The following AHCTF1 variants were observed in gnomAD, a reference collection of about 807,000 sequenced individuals.
AHCTF1 encodes AT-hook containing transcription factor 1, also known as protein ELYS.
Under a neutral mutation model 248.4 loss-of-function variants are expected in AHCTF1, and 24 were observed. That is an observed-to-expected ratio of 0.10 (90% confidence interval 0.07 to 0.14). AHCTF1 has a LOEUF of 0.14. Among genes scored for constraint, AHCTF1 ranks in the 10% least tolerant of loss-of-function variants. The pLI is 1.00. For synonymous variants in AHCTF1, 786 were observed against 929.8 expected (o/e 0.85, Z 2.81); for missense variants, 2,206 against 2,636.2 (o/e 0.84, Z 3.57).
chr1:246,888,718 T>C (rs1447553491), intron 17 of AHCTF1, among the ~76,000 whole-genome samples: 1 of 151,960 alleles, frequency 6.6e-6, no homozygotes, highest in Non-Finnish European at 1.5e-5. Flanking sequence ...GAGACCAGCC[T>C]GGGCAATACA....
chr1:246,888,453 C>G lies in AHCTF1; in HGVS notation c.2209G>C (p.Glu737Gln). 1 of 1,613,458 alleles carries G rather than the reference C, an allele frequency of 6.2e-7. No individual in the cohort carries two copies. The change falls in exon 18 of 36, where the codon GAG (glutamate) becomes CAG (glutamine). Residue 737 changes from glutamate to glutamine, a missense_variant. By Grantham distance (29) the Glu-to-Gln change is conservative. Coordinates refer to ENST00000648844, the MANE Select transcript of AHCTF1 (RefSeq NM_001323342.2). ...GLVSQLGERI[E>Q]KLWKRDEGGT... ...CCTTCATCTCGTTTCCACAACTTCT[C>G]AATTCGCTCTCCTAACTGAGAAACC...
chr1:246,854,553 A>C (rs949116780), intron 31 of AHCTF1, among the ~76,000 whole-genome samples: 1 of 152,184 alleles, frequency 6.6e-6, no homozygotes, highest in Non-Finnish European at 1.5e-5. Context: ...TTCCTGACAG[A>C]AAAAATGTCT....
intron 24 of AHCTF1, among the ~76,000 whole-genome samples, chr1:246,872,274 CA>C (rs1488046637): frequency 2.6e-5 from 4 of 152,108 alleles, no homozygotes; most frequent in African/African-American, 4.8e-5. Flanking sequence ...CTTGTGACTC[CA>C]CTAACCCAAG....
chr1:246,928,718 A>G (rs932327529), intron 1 of AHCTF1, among the ~76,000 whole-genome samples: 4 of 152,342 alleles, frequency 2.6e-5, no homozygotes, highest in South Asian at 2.1e-4. Context: ...ATGGAACTCT[A>G]ATCTAGTTCA....
At chr1:246,923,185 T>C (rs1346538008) in intron 1 of AHCTF1, among the ~76,000 whole-genome samples, 1 of 144,498 alleles carries the variant, frequency 6.9e-6, no homozygotes, top group Admixed American at 6.9e-5. Context: ...GAGGCCGAGG[T>C]GGGCAGATCA....
chr1:246,888,365 T>C (rs2103131811), intron 18 of AHCTF1, 29 bp downstream of exon 18: 2 of 1,612,914 alleles, frequency 1.2e-6, no homozygotes, highest in East Asian at 4.5e-5. Flanking sequence ...TTGTAGACTC[T>C]AAATGATAGC....
chr1:246,879,233 A>G (rs55701948), intron 21 of AHCTF1, among the ~76,000 whole-genome samples: 8,467 of 152,252 alleles, frequency 0.056, 820 homozygotes, highest in African/African-American at 0.19. Context: ...GAGACCAAAC[A>G]TATTAAAACT....
chr1:246,848,897 A>G (rs1037394069), intron 33 of AHCTF1, among the ~76,000 whole-genome samples: 2 of 152,036 alleles, frequency 1.3e-5, no homozygotes, highest in Non-Finnish European at 2.9e-5. Context: ...AACCATTAAC[A>G]CTTTTACAGA....
intron 2 of AHCTF1, among the ~76,000 whole-genome samples, chr1:246,916,996 C>T (rs758172343): frequency 2.6e-5 from 4 of 152,110 alleles, no homozygotes; most frequent in South Asian, 2.1e-4. Context: ...ACCTCTTCTC[C>T]GCCTATTAGT....
rs371100178 is a variant in AHCTF1, at chr1:246,840,897, T to C, written c.6710A>G (p.Lys2237Arg). The C allele has an allele frequency of 2.5e-6, 4 of 1,613,666 alleles. No homozygotes were observed. The African/African-American group carries it at 5.3e-5, about 22-fold the overall frequency. The stretch of plus-strand genomic sequence containing the variant: ...ACCTGTTCCTGTCACTTCTGTAGTT[T>C]TTCTTGGTTTGCTCTTGACTCCGTC... Reference protein sequence around the residue: ...PADGVKSKPRKTTEVTGTGLG... With the variant: ...PADGVKSKPRRTTEVTGTGLG... The change falls in exon 36 of 36, where the codon AAA (lysine) becomes AGA (arginine). Residue 2237 changes from lysine to arginine, a missense_variant. Transcript: ENST00000648844.
chr1:246,925,557 T>C (rs562086653), intron 1 of AHCTF1, among the ~76,000 whole-genome samples: 1 of 152,274 alleles, frequency 6.6e-6, no homozygotes, highest in African/African-American at 2.4e-5. Context: ...GAGTTGTAGG[T>C]TGCAGTAAGC....
rs1174350049 is a variant in AHCTF1, at chr1:246,864,802, TGCAGTCC to T, written c.3348-693_3348-687del. On this transcript the variant is annotated intron_variant, in intron 26 of 35. Coordinates refer to ENST00000648844, the MANE Select transcript of AHCTF1 (RefSeq NM_001323342.2). ...TTGCAGTGAGCCGAGATTGCGCCAC[TGCAGTCC>T]GCAGTCCGACCTGGGCGACAGAGCG... Among the ~76,000 whole-genome samples, 2 of 19,492 alleles carry T rather than the reference TGCAGTCC, an allele frequency of 1.0e-4. 1 individual carries two copies. Among genetic ancestry groups the T allele is most frequent in the Non-Finnish European group, 1.4e-4 (2 of 14,732 alleles). The allele number at this position is 19,492 out of a possible 152,430, so 12.8% of individuals were successfully genotyped here.
intron 31 of AHCTF1, among the ~76,000 whole-genome samples, chr1:246,854,545 C>A (rs1193529203): frequency 6.6e-6 from 1 of 152,006 alleles, no homozygotes; most frequent in African/African-American, 2.4e-5. Context: ...AATCTATATT[C>A]CTGACAGAAA....
At chr1:246,845,903 G>A (rs990143835) in intron 33 of AHCTF1, among the ~76,000 whole-genome samples, 2 of 151,864 alleles carry the variant, frequency 1.3e-5, no homozygotes, top group Non-Finnish European at 2.9e-5. Context: ...ACAAGTTCTT[G>A]GATATTTAAC....
At chr1:246,895,410 GGT>G (rs372843367) in intron 13 of AHCTF1, among the ~76,000 whole-genome samples, 1 of 152,010 alleles carries the variant, frequency 6.6e-6, no homozygotes, top group Non-Finnish European at 1.5e-5. Flanking sequence ...ATGCGTTTGG[GGT>G]GTGTGTGTGT....
At chr1:246,913,718 T>C (rs999029976) in intron 3 of AHCTF1, among the ~76,000 whole-genome samples, 2 of 152,218 alleles carry the variant, frequency 1.3e-5, no homozygotes, top group African/African-American at 4.8e-5. Flanking sequence ...GATAGTAGAC[T>C]ATGTGTGAGT....
At position 246,899,472 on chromosome 1, in the gene AHCTF1, A is replaced by G. The variant is rs765241767; in HGVS notation, c.1473T>C (p.Thr491=). The G allele has an allele frequency of 2.1e-5, 34 of 1,609,612 alleles. No homozygotes were observed. In the Admixed American group the frequency reaches 5.8e-4, roughly 27 times the overall value. The change falls in exon 11 of 36, where the codon ACT becomes ACC. Residue 491 remains threonine, a synonymous_variant. Transcript: ENST00000648844. ...CTACCTCCTTCTGAAAGCCAGTACA[A>G]GTTAAATGAACAACTCCCGAGTTTA... ...CLLNSGVVHL[T]CTGFQKETLT...
In AHCTF1 at chr1:246,903,962, T is replaced by C. The variant is rs1205393212; in HGVS notation, c.953A>G (p.Gln318Arg). 2 of 1,613,930 alleles carry C rather than the reference T, an allele frequency of 1.2e-6. No homozygotes were observed. The change falls in exon 7 of 36, where the codon CAA (glutamine) becomes CGA (arginine). Residue 318 changes from glutamine (Q) to arginine (R), a missense_variant. Coordinates refer to ENST00000648844, the MANE Select transcript of AHCTF1 (RefSeq NM_001323342.2). Reference protein sequence around the residue: ...FGNRKCLASGQILYEGLEYCE... With the variant: ...FGNRKCLASGRILYEGLEYCE... ...ATGACCATTTACCTCATATAAGATT[T>C]GTCCTGATGCCAAACACTTTCTATT...
chr1:246,874,330 C>T (rs904761811), intron 24 of AHCTF1, among the ~76,000 whole-genome samples: 3 of 152,108 alleles, frequency 2.0e-5, no homozygotes, highest in South Asian at 2.1e-4. Flanking sequence ...CAGACAAATA[C>T]GTGTCCCTCT....
Sources: gnomAD v4.1 joint callset for allele counts (sites outside exome capture counted in the v4.1 genomes callset) on GRCh38, gnomAD v4.1.1 for gene constraint, MANE v1.5 for transcripts, NCBI Gene and HGNC (gene_info 2026-07-23, HGNC 2026-07-21) for gene names.